Variants in MYO5A observed in about 807,000 individuals in gnomAD.
The protein encoded by MYO5A is unconventional myosin-Va.
A neutral mutation model predicts 249.7 loss-of-function variants in MYO5A; 98 were observed. The observed-to-expected ratio is 0.39, with a 90% CI of 0.33 to 0.46. The LOEUF is 0.46. MYO5A is among the 20% of genes least tolerant of loss of function. MYO5A has a pLI of 0.98. For missense variants in MYO5A, 1,696 were observed against 2,308.8 expected, an observed-to-expected ratio of 0.73 and a Z score of 5.44; for synonymous variants, 778 against 810.6, an observed-to-expected ratio of 0.96 and a Z score of 0.68.
rs2043047829 is a variant in MYO5A at position 52,407,275 on chromosome 15, G to T, written c.946+17C>A. The T allele has an allele frequency of 1.0e-5, 16 of 1,577,798 alleles. No individual in the cohort carries two copies. The highest frequency in any genetic ancestry group is 1.4e-5 in the Non-Finnish European group (16 of 1,147,056). Reference sequence around the variant, plus strand: ...AAAGCTATTCCTCTTAAGAGCTCAAGAATAAAGTGACATTACCTAGCAAAG... The same window carrying T: ...AAAGCTATTCCTCTTAAGAGCTCAATAATAAAGTGACATTACCTAGCAAAG... On this transcript the variant is annotated intron_variant, in intron 8 of 41. Coordinates refer to ENST00000399233, the MANE Select transcript of MYO5A (RefSeq NM_001382347.1).
chr15:52,515,168 C>T (rs2077471037), intron 1 of MYO5A, among the ~76,000 whole-genome samples: 1 of 151,830 alleles, frequency 6.6e-6, no homozygotes, highest in Non-Finnish European at 1.5e-5. Context: ...GTGCCAGCTA[C>T]TTGGGGGGCT....
intron 40 of MYO5A, among the ~76,000 whole-genome samples, chr15:52,316,156 C>G (rs751714144): frequency 2.1e-5 from 3 of 141,748 alleles, no homozygotes; most frequent in African/African-American, 7.9e-5. Context: ...ATGGCGTGAA[C>G]CTGGGAGGGG....
Position 52,405,051 on chromosome 15 carries a change from T to TCACACACACACA in MYO5A, c.1053+224_1053+235dup, listed in dbSNP as rs58764245. ...CCCTCTCTCTTTCTCTCTCTCTCTG[T>TCACACACACACA]CACACACACACACACACACACACAC... On this transcript the variant is annotated intron_variant, in intron 9 of 41. Transcript: ENST00000399233. Among the ~76,000 whole-genome samples the TCACACACACACA allele has an allele frequency of 1.5e-3, 217 of 140,290 alleles. 1 individual carries two copies. Among genetic ancestry groups the TCACACACACACA allele is most frequent in the East Asian group, 6.3e-3 (29 of 4,618 alleles). The allele number at this position is 140,290 out of a possible 152,430, so 92.0% of individuals were successfully genotyped here.
At chr15:52,352,826 T>G (rs561734956) in intron 27 of MYO5A, among the ~76,000 whole-genome samples, 5 of 152,154 alleles carry the variant, frequency 3.3e-5, no homozygotes, top group African/African-American at 1.2e-4. Context: ...TTAAAGTCCT[T>G]CTTTTTTCTA....
At chr15:52,382,596 A>G (rs2041801809) in intron 16 of MYO5A, among the ~76,000 whole-genome samples, 1 of 152,188 alleles carries the variant, frequency 6.6e-6, no homozygotes, top group Non-Finnish European at 1.5e-5. Flanking sequence ...CATACATAAA[A>G]TTAGAAAAAT....
intron 38 of MYO5A, among the ~76,000 whole-genome samples, chr15:52,320,005 C>T (rs2038224251): frequency 6.6e-6 from 1 of 152,114 alleles, no homozygotes; most frequent in Non-Finnish European, 1.5e-5. Flanking sequence ...ATCTGAGCCC[C>T]AGAGGCAAAA....
At chr15:52,495,186 A>T (rs66526357) in intron 1 of MYO5A, among the ~76,000 whole-genome samples, 7,705 of 152,352 alleles carry the variant, frequency 0.051, 267 homozygotes, top group East Asian at 0.18. Flanking sequence ...ATGAAAATGT[A>T]CTATACATAT....
intron 1 of MYO5A, among the ~76,000 whole-genome samples, chr15:52,462,026 G>C (rs1427931489): frequency 1.3e-5 from 2 of 151,456 alleles, no homozygotes; most frequent in Non-Finnish European, 2.9e-5. Flanking sequence ...CACTTTGGGA[G>C]GCCGAGGTGG....
At chr15:52,362,279 T>C (rs1052147139) in intron 24 of MYO5A, among the ~76,000 whole-genome samples, 2 of 152,224 alleles carry the variant, frequency 1.3e-5, no homozygotes, top group African/African-American at 2.4e-5. Flanking sequence ...ATGACGACTC[T>C]GTTTACAACC....
At chr15:52,380,981 A>C (rs2041712297) in intron 16 of MYO5A, among the ~76,000 whole-genome samples, 1 of 152,196 alleles carries the variant, frequency 6.6e-6, no homozygotes, top group Non-Finnish European at 1.5e-5. Context: ...TGTTCTAAAC[A>C]TAGTGTCTAC....
chr15:52,404,209 G>C (rs12901814), intron 9 of MYO5A, among the ~76,000 whole-genome samples: 29,843 of 147,132 alleles, frequency 0.2, 3,758 homozygotes, highest in East Asian at 0.56. Flanking sequence ...AGGTTGCAGT[G>C]AGCCGAGATT....
chr15:52,424,220 T>C (rs953559794), intron 4 of MYO5A, among the ~76,000 whole-genome samples: 1 of 152,260 alleles, frequency 6.6e-6, no homozygotes, highest in Non-Finnish European at 1.5e-5. Context: ...TGAACACTAA[T>C]TACTATTTTA....
chr15:52,364,265 A>G (rs1321152182), intron 24 of MYO5A, among the ~76,000 whole-genome samples: 1 of 151,870 alleles, frequency 6.6e-6, no homozygotes, highest in Non-Finnish European at 1.5e-5. Context: ...AAAAACAAAA[A>G]TCCAACTTTA....
At chr15:52,387,308 G>C (rs545404789) in intron 14 of MYO5A, among the ~76,000 whole-genome samples, 2 of 152,264 alleles carry the variant, frequency 1.3e-5, no homozygotes, top group South Asian at 4.1e-4. Context: ...TAATTTCAAA[G>C]TGCTTTGGGC....
intron 41 of MYO5A, 56 bp from the exon 42 acceptor site, chr15:52,313,904 CT>C: frequency 6.3e-7 from 1 of 1,585,498 alleles, no homozygotes; most frequent in Non-Finnish European, 8.6e-7. Flanking sequence ...ATCTAAAAGA[CT>C]TTTTTCTACT....
At chr15:52,433,892 T>A (rs1231654261) in intron 1 of MYO5A, among the ~76,000 whole-genome samples, 1 of 152,270 alleles carries the variant, frequency 6.6e-6, no homozygotes, top group South Asian at 2.1e-4. Flanking sequence ...AATGTACACA[T>A]AAGATCTATT....
chr15:52,419,415 G>C (rs1408035238), intron 4 of MYO5A, among the ~76,000 whole-genome samples: 1 of 152,136 alleles, frequency 6.6e-6, no homozygotes, highest in Non-Finnish European at 1.5e-5. Context: ...TCTTGTTAGA[G>C]AGATGCTAAG....
At chr15:52,318,916 C>T (rs1454166692) in intron 39 of MYO5A, 144 bp downstream of exon 39, 9 of 1,025,868 alleles carry the variant, frequency 8.8e-6, no homozygotes, top group African/African-American at 3.2e-5. Context: ...AAAGTGGCTC[C>T]GTGCCAGTTT....
intron 1 of MYO5A, among the ~76,000 whole-genome samples, chr15:52,513,459 T>C (rs1220144957): frequency 2.7e-5 from 4 of 145,804 alleles, no homozygotes; most frequent in Non-Finnish European, 4.5e-5. Flanking sequence ...AGTTTTGCTC[T>C]TGTTGCCCAG....
Sources: allele counts gnomAD v4.1 joint callset (sites outside exome capture counted in the v4.1 genomes callset), GRCh38; gene constraint gnomAD v4.1.1; transcripts MANE v1.5; gene names NCBI Gene and HGNC (gene_info 2026-07-23, HGNC 2026-07-21).